ZNF496: variants seen among roughly 807,000 people sequenced by gnomAD.
ZNF496 encodes the protein NSD1 (nuclear receptor binding SET-domain containing 1)-interacting zinc finger protein 1.
Under a neutral mutation model 58.9 loss-of-function variants are expected in ZNF496, and 11 were observed. That is an observed-to-expected ratio of 0.19 (90% confidence interval 0.12 to 0.31). The LOEUF is 0.31. ZNF496 is among the 10% of genes least tolerant of loss of function. The pLI, the probability that ZNF496 is intolerant of heterozygous loss-of-function variation, is 1.00. For synonymous variants in ZNF496, 338 were observed against 318.2 expected, an observed-to-expected ratio of 1.06 and a Z score of -0.66; for missense variants, 660 against 783.0, an observed-to-expected ratio of 0.84 and a Z score of 1.88.
chr1:247,305,241 C>T (rs537703130), intron 9 of ZNF496, among the ~76,000 whole-genome samples: 4 of 152,164 alleles, frequency 2.6e-5, no homozygotes, highest in African/African-American at 9.6e-5. Flanking sequence ...CGCCACTGTT[C>T]TCTAACCTGG....
chr1:247,301,186 T>C lies in ZNF496; in HGVS notation c.1097A>G (p.Gln366Arg), dbSNP rs2103014622. 1.3e-6 allele frequency: 2 copies of C among 1,589,756 alleles called. No homozygotes were observed. The highest frequency in any genetic ancestry group is 1.7e-6 in the Non-Finnish European group (2 of 1,165,712). The part of the protein sequence containing the change: ...VLSSSGDEDS[Q>R]HGPYCTEELG... ...CTCTTCTGTGCAGTACGGGCCATGC[T>C]GGGAGTCCTCGTCCCCAGAGCTGGA... Residue 366 changes from glutamine to arginine, a missense_variant, in exon 10 of 10, where the codon CAG becomes CGG. Transcript: ENST00000682384.
At position 247,309,914 on chromosome 1, in the gene ZNF496, C is replaced by A; in HGVS notation, c.785-108G>T. 7.2e-7 allele frequency: 1 copy of A among 1,394,178 alleles called. No homozygotes were observed. The highest frequency in any genetic ancestry group is 9.7e-7 in the Non-Finnish European group (1 of 1,029,810). 86.4% of individuals were successfully genotyped at this position (1,394,178 alleles called of 1,614,324 possible). A position where few individuals can be genotyped will look rare whatever the true frequency, so the allele number is the denominator to read the frequency against. On this transcript the variant is annotated intron_variant, in intron 7 of 9. Transcript: ENST00000682384. The surrounding 1 kb of genome is among the most constrained non-coding windows in gnomAD (Gnocchi z 4.3). ...GGAGGGATGCCCAGCGGGCATGGCACCATCAGGGGCGAGAAGTGAAAAGGC... is the reference window on the plus strand; with the variant it reads ...GGAGGGATGCCCAGCGGGCATGGCAACATCAGGGGCGAGAAGTGAAAAGGC...
chr1:247,313,766 G>A (rs12048553), intron 6 of ZNF496: 35,716 of 152,126 alleles, frequency 0.23, 4,438 homozygotes, highest in East Asian at 0.41. Flanking sequence ...AGAAGACAGC[G>A]GATTAAGTAA....
chr1:247,323,229 A>G lies in ZNF496; in HGVS notation c.576T>C (p.Val192=). The G allele has an allele frequency of 6.2e-7, 1 of 1,613,674 alleles. No individual in the cohort carries two copies. The highest frequency in any genetic ancestry group is 8.5e-7 in the Non-Finnish European group (1 of 1,179,618). ...CCTGAAGAAGGAAAGCATCTTGCAG[A>G]ACTGAAAGAGATCAGAAAATGGTGT... ...RPPSQLSGDP[V]LQDAFLLQEE... Residue 192 remains valine (V), a splice_region_variant and synonymous_variant, in exon 6 of 10, where the codon GTT becomes GTC. Transcript: ENST00000682384.
Position 247,308,724 on chromosome 1 carries a change from GC to G in ZNF496, c.893-137del. 1.3e-6 allele frequency: 1 copy of G among 748,772 alleles called. No homozygotes were observed. Among genetic ancestry groups the G allele is most frequent in the South Asian group, 1.7e-5 (1 of 57,466 alleles). 46.4% of individuals were successfully genotyped at this position (748,772 alleles called of 1,614,324 possible). ...CCGTCCTGGGGACTGGCAGGGGGTG[GC>G]CACTCAATAAGTGTCTGCTGAGTGA... On this transcript the variant is annotated intron_variant, in intron 8 of 9. Transcript: ENST00000682384. The surrounding 1 kb of genome is among the most constrained non-coding windows in gnomAD (Gnocchi z 4.5).
Position 247,301,028 on chromosome 1 carries a change from C to T in ZNF496, c.1255G>A (p.Val419Ile). 2 of 1,613,740 alleles carry T rather than the reference C, an allele frequency of 1.2e-6. No individual in the cohort carries two copies. Among genetic ancestry groups the T allele is most frequent in the Non-Finnish European group, 1.7e-6 (2 of 1,180,034 alleles). The change falls in exon 10 of 10, where the codon GTC becomes ATC. Residue 419 changes from valine to isoleucine, a missense_variant. Transcript: ENST00000682384. ...CTCCGCAGATGCCGGATGAAGTTGA[C>T]CCTCCAGCGGAAGATTTTCCCACAG... is the stretch of plus-strand genomic sequence containing the variant. ...PNCGKIFRWR[V>I]NFIRHLRSRR... is the part of the protein sequence containing the mutation.
intron 6 of ZNF496, chr1:247,312,532 C>T (rs532148932): frequency 3.9e-5 from 6 of 152,234 alleles, no homozygotes; most frequent in African/African-American, 1.4e-4. Flanking sequence ...GAGGCTGAGG[C>T]TGGCAGATCA....
chr1:247,316,190 GGTGTGTGTGTGTGCGCGCGCGTGCGCGT>G (rs61567777), intron 6 of ZNF496, among the ~76,000 whole-genome samples: 80,214 of 144,832 alleles, frequency 0.55, 22,392 homozygotes, highest in Middle Eastern at 0.78. Context: ...TCCTGGGAGG[GGTGTGTGTGTGTGCGCGCGCGTGCGCGT>G]GTGTGTGTGT....
In ZNF496 at chr1:247,329,515, T is replaced by C. The variant is rs780266289; in HGVS notation, c.64A>G (p.Arg22Gly). The change falls in exon 4 of 10, where the codon AGG becomes GGG. Residue 22 changes from arginine (R) to glycine (G), a missense_variant. Transcript: ENST00000682384. The surrounding 1 kb of genome is among the most constrained non-coding windows in gnomAD (Gnocchi z 5.5). ...CTAGGGTTCTCTCCAGGTGGGCTCC[T>C]CATTTTCCTGGGCTCCTCACTTTCC... is the stretch of plus-strand genomic sequence containing the variant. The part of the protein sequence containing the change: ...PKESEEPRKM[R>G]SPPGENPSPQ... 1 of 1,584,418 alleles carries C rather than the reference T, an allele frequency of 6.3e-7. No homozygotes were observed. The highest frequency in any genetic ancestry group is 1.2e-5 in the South Asian group (1 of 86,716).
chr1:247,306,977 T>C (rs574616313), intron 9 of ZNF496: 31 of 500,990 alleles, frequency 6.2e-5, no homozygotes, highest in Non-Finnish European at 7.7e-5. Flanking sequence ...TGAATCCTGG[T>C]GCAATGTTTA....
Position 247,299,202 on chromosome 1 carries a change from C to A in ZNF496, c.*1317G>T, listed in dbSNP as rs1161891996. On this transcript the variant is annotated 3_prime_UTR_variant, in exon 10 of 10. Coordinates refer to ENST00000682384, the MANE Select transcript of ZNF496 (RefSeq NM_032752.3). ...CTCAGAATGTGACCTTATTGGTAAACGGTTGCTGCGGATACAGATGAGGTT... is the reference window on the plus strand; with the variant it reads ...CTCAGAATGTGACCTTATTGGTAAAAGGTTGCTGCGGATACAGATGAGGTT... 1 of 152,156 alleles carries A rather than the reference C, an allele frequency of 6.6e-6. No homozygotes were observed. Among genetic ancestry groups the A allele is most frequent in the African/African-American group, 2.4e-5 (1 of 41,428 alleles). 9.4% of individuals were successfully genotyped at this position (152,156 alleles called of 1,614,324 possible).
intron 9 of ZNF496, chr1:247,307,358 G>A (rs547760532): frequency 2.0e-6 from 2 of 985,424 alleles, no homozygotes; most frequent in Non-Finnish European, 2.4e-6. Flanking sequence ...AGTCCAGCAA[G>A]GGAAGAATGG....
rs973725623 is a variant in ZNF496 at position 247,299,818 on chromosome 1, C to A, written c.*701G>T. On this transcript the variant is annotated 3_prime_UTR_variant, in exon 10 of 10. Coordinates refer to ENST00000682384, the MANE Select transcript of ZNF496 (RefSeq NM_032752.3). ...CTCCAGATCCCTAGTGATTGGCCCC[C>A]AGGAAAATCAACAGGTATGACGACT... 6.6e-6 allele frequency: 1 copy of A among 152,198 alleles called. No individual in the cohort carries two copies. The highest frequency in any genetic ancestry group is 6.5e-5 in the Admixed American group (1 of 15,276). 9.4% of individuals were successfully genotyped at this position (152,198 alleles called of 1,614,324 possible).
At position 247,300,298 on chromosome 1, in the gene ZNF496, T is replaced by G; in HGVS notation, c.*221A>C. ...GTGATGGCACATCCCCCCCGTTTTT[T>G]GGCACAGCAGAAACAGAACACTCAC... is the stretch of plus-strand genomic sequence containing the variant. On this transcript the variant is annotated 3_prime_UTR_variant, in exon 10 of 10. Coordinates refer to ENST00000682384, the MANE Select transcript of ZNF496 (RefSeq NM_032752.3). The surrounding 1 kb of genome is among the most constrained non-coding windows in gnomAD (Gnocchi z 5.7). 1 of 458,006 alleles carries G rather than the reference T, an allele frequency of 2.2e-6. No individual in the cohort carries two copies. Among genetic ancestry groups the G allele is most frequent in the Non-Finnish European group, 3.8e-6 (1 of 265,548 alleles). The allele number at this position is 458,006 out of a possible 1,614,324, so 28.4% of individuals were successfully genotyped here.
intron 9 of ZNF496, chr1:247,306,983 G>T: frequency 1.7e-6 from 1 of 576,700 alleles, no homozygotes; most frequent in Non-Finnish European, 2.2e-6. Context: ...CTGGTGCAAT[G>T]TTTAGGACAT....
chr1:247,321,252 G>A (rs1400805974), intron 6 of ZNF496, among the ~76,000 whole-genome samples: 1 of 152,162 alleles, frequency 6.6e-6, no homozygotes, highest in East Asian at 1.9e-4. Flanking sequence ...TATGCTGAAT[G>A]AAATAAGCCA....
At position 247,300,375 on chromosome 1, in the gene ZNF496, C is replaced by A; in HGVS notation, c.*144G>T. The A allele has an allele frequency of 2.4e-6, 2 of 849,496 alleles. No homozygotes were observed. Among genetic ancestry groups the A allele is most frequent in the East Asian group, 2.7e-5 (1 of 36,546 alleles). The allele number at this position is 849,496 out of a possible 1,614,324, so 52.6% of individuals were successfully genotyped here. A position where few individuals can be genotyped will look rare whatever the true frequency, so the allele number is the denominator to read the frequency against. On this transcript the variant is annotated 3_prime_UTR_variant, in exon 10 of 10. Coordinates refer to ENST00000682384, the MANE Select transcript of ZNF496 (RefSeq NM_032752.3). This position sits in a 1 kb window ranked among gnomAD's most constrained non-coding sequence, Gnocchi z 5.7. ...AGGGAGAGTGCTCCCATGGCACCACCCGAACGCTCACTACCTGAGAGCAAG... is the reference window on the plus strand; with the variant it reads ...AGGGAGAGTGCTCCCATGGCACCACACGAACGCTCACTACCTGAGAGCAAG...
chr1:247,308,595 A>G lies in ZNF496; in HGVS notation c.893-7T>C. On this transcript the variant is annotated splice_region_variant and splice_polypyrimidine_tract_variant and intron_variant, in intron 8 of 9. Transcript: ENST00000682384. This position sits in a 1 kb window ranked among gnomAD's most constrained non-coding sequence, Gnocchi z 4.5. ...GGCTGGAGACTTGGAGAGTCTTTCC[A>G]GAGGAGGAAATGGAAAAATTGATTT... 2 of 1,613,018 alleles carry G rather than the reference A, an allele frequency of 1.2e-6. No homozygotes were observed. The highest frequency in any genetic ancestry group is 1.7e-6 in the Non-Finnish European group (2 of 1,179,072).
intron 6 of ZNF496, among the ~76,000 whole-genome samples, chr1:247,315,057 A>G (rs1185456177): frequency 5.9e-4 from 58 of 97,530 alleles, no homozygotes; most frequent in African/African-American, 2.0e-3. Flanking sequence ...AGCCTTGACT[A>G]GTCTTTTTTT....
Sources: gnomAD v4.1 joint callset for allele counts (sites outside exome capture counted in the v4.1 genomes callset) on GRCh38, gnomAD v4.1.1 for gene constraint, Gnocchi (gnomAD v3.1) non-coding constraint, MANE v1.5 for transcripts, NCBI Gene and HGNC (gene_info 2026-07-23, HGNC 2026-07-21) for gene names.